Variants in C12orf42 observed in about 807,000 individuals in gnomAD.
C12orf42 encodes chromosome 12 open reading frame 42, also known as uncharacterized protein C12orf42.
In C12orf42, 25 loss-of-function variants were observed where a neutral mutation model predicts 21.6. The ratio of observed to expected loss-of-function variants is 1.16; its 90% CI spans 0.84 to 1.62. The LOEUF is 1.62. Ranked by LOEUF, C12orf42 falls within the 40% of genes most tolerant of loss-of-function variation. The pLI is 0.00. For synonymous variants in C12orf42, 174 were observed against 175.0 expected, an observed-to-expected ratio of 0.99 and a Z score of 0.05; for missense variants, 483 against 459.3, an observed-to-expected ratio of 1.05 and a Z score of -0.47.
intron 2 of C12orf42, among the ~76,000 whole-genome samples, chr12:103,470,112 T>C (rs1953474440): frequency 6.6e-6 from 1 of 152,206 alleles, no homozygotes; most frequent in Non-Finnish European, 1.5e-5. Context: ...CCAGCGTTCC[T>C]AAGAAGAGAT....
intron 2 of C12orf42, among the ~76,000 whole-genome samples, chr12:103,436,883 C>A (rs1950766794): frequency 6.7e-6 from 1 of 148,884 alleles, no homozygotes; most frequent in African/African-American, 2.5e-5. Context: ...AGGAATTGAA[C>A]TCAGCTCTGC....
chr12:103,150,439 G>A, the C12orf42 span, among the ~76,000 whole-genome samples: 2 of 152,172 alleles, frequency 1.3e-5, no homozygotes, highest in South Asian at 2.1e-4. Context: ...ATTAGGTAAA[G>A]CATTTTTAAA....
the C12orf42 span, among the ~76,000 whole-genome samples, chr12:103,051,024 T>C: frequency 6.6e-6 from 1 of 152,112 alleles, no homozygotes; most frequent in African/African-American, 2.4e-5. Flanking sequence ...ACTTAATGAG[T>C]TTCCTTCAGA....
the C12orf42 span, among the ~76,000 whole-genome samples, chr12:103,521,120 C>T: frequency 3.9e-5 from 6 of 152,192 alleles, no homozygotes; most frequent in African/African-American, 9.6e-5. Context: ...GCTAACGCAA[C>T]GTATGGCACT....
At chr12:103,462,700 G>T (rs1424384157) in intron 2 of C12orf42, among the ~76,000 whole-genome samples, 1 of 152,136 alleles carries the variant, frequency 6.6e-6, no homozygotes, top group Admixed American at 6.5e-5. Context: ...AGTAAAATCA[G>T]AAAAGGAATA....
At chr12:103,151,466 T>C in the C12orf42 span, among the ~76,000 whole-genome samples, 1 of 152,230 alleles carries the variant, frequency 6.6e-6, no homozygotes, top group East Asian at 1.9e-4. Context: ...TTTATACAAA[T>C]AGGTATAAAA....
intron 2 of C12orf42, among the ~76,000 whole-genome samples, chr12:103,434,812 C>T (rs568458099): frequency 2.6e-5 from 4 of 152,272 alleles, no homozygotes; most frequent in African/African-American, 7.2e-5. Context: ...AAGGCGGCAG[C>T]GAGGCTGGGG....
the C12orf42 span, among the ~76,000 whole-genome samples, chr12:103,120,173 C>T: frequency 6.6e-6 from 1 of 152,306 alleles, no homozygotes; most frequent in East Asian, 1.9e-4. Flanking sequence ...AAGACAAGGT[C>T]CCTGTTGAGA....
chr12:103,166,076 A>AGAAG, the C12orf42 span, among the ~76,000 whole-genome samples: 7,351 of 150,864 alleles, frequency 0.049, 321 homozygotes, highest in African/African-American at 0.12. Flanking sequence ...AGAGAGAGAG[A>AGAAG]GAAGGAAGGA....
chr12:103,369,493 T>G (rs981052165), intron 3 of C12orf42, among the ~76,000 whole-genome samples: 1 of 151,740 alleles, frequency 6.6e-6, no homozygotes, highest in Non-Finnish European at 1.5e-5. Flanking sequence ...CAGGCTCAGA[T>G]GGAGTAGCCA....
the C12orf42 span, among the ~76,000 whole-genome samples, chr12:103,170,042 C>T: frequency 6.6e-6 from 1 of 152,084 alleles, no homozygotes; most frequent in Non-Finnish European, 1.5e-5. Flanking sequence ...AGTCAAGAAG[C>T]TAAAAGGCAA....
intron 4 of C12orf42, among the ~76,000 whole-genome samples, chr12:103,291,338 T>C (rs775252997): frequency 2.0e-5 from 3 of 152,118 alleles, no homozygotes; most frequent in Non-Finnish European, 4.4e-5. Flanking sequence ...ATTGGGAAAA[T>C]TAAAGGAGAT....
At chr12:103,209,156 GA>G in the C12orf42 span, among the ~76,000 whole-genome samples, 1 of 149,832 alleles carries the variant, frequency 6.7e-6, no homozygotes, top group African/African-American at 2.5e-5. Context: ...ATCAATTTCA[GA>G]AAAAAAAAGA....
intron 5 of C12orf42, among the ~76,000 whole-genome samples, chr12:103,272,851 G>C (rs1398613903): frequency 6.6e-6 from 1 of 152,134 alleles, no homozygotes; most frequent in Non-Finnish European, 1.5e-5. Context: ...AGGAATGATC[G>C]GGCCTCCTGA....
At chr12:103,355,010 G>C (rs2043402546) in intron 4 of C12orf42, among the ~76,000 whole-genome samples, 1 of 152,044 alleles carries the variant, frequency 6.6e-6, no homozygotes, top group African/African-American at 2.4e-5. Flanking sequence ...AAACATCACA[G>C]TGTACCCCTC....
At chr12:103,440,626 T>C (rs747154843) in intron 2 of C12orf42, among the ~76,000 whole-genome samples, 12 of 152,146 alleles carry the variant, frequency 7.9e-5, no homozygotes, top group Non-Finnish European at 1.6e-4. Context: ...ATCCATGAGA[T>C]ATGTGCTTTT....
At chr12:103,481,074 T>C (rs1326763978) in intron 1 of C12orf42, among the ~76,000 whole-genome samples, 2 of 151,792 alleles carry the variant, frequency 1.3e-5, no homozygotes. Context: ...TGCATTAAAG[T>C]TTAGAGTTAT....
At chr12:103,206,121 T>A in the C12orf42 span, among the ~76,000 whole-genome samples, 1 of 152,188 alleles carries the variant, frequency 6.6e-6, no homozygotes, top group East Asian at 1.9e-4. Flanking sequence ...TAGGGTTTAG[T>A]GCCTAGTGAT....
At chr12:103,151,318 C>T in the C12orf42 span, among the ~76,000 whole-genome samples, 4 of 148,962 alleles carry the variant, frequency 2.7e-5, no homozygotes, top group Admixed American at 6.6e-5. Context: ...GAGATAATAT[C>T]AATTCTGCAC....
Sources: allele counts gnomAD v4.1 joint callset (sites outside exome capture counted in the v4.1 genomes callset), GRCh38; gene constraint gnomAD v4.1.1; transcripts MANE v1.5; gene names NCBI Gene and HGNC (gene_info 2026-07-23, HGNC 2026-07-21).